The following CDH12 variants were observed in gnomAD, a reference collection of about 807,000 sequenced individuals.
CDH12 encodes cadherin 12, also known as cadherin-12.
In CDH12, 41 loss-of-function variants were observed where a neutral mutation model predicts 74.1. That is an observed-to-expected ratio of 0.55 (90% CI 0.43 to 0.72). The LOEUF is 0.72. Ranked by LOEUF, CDH12 falls within the 30% of genes least tolerant of loss-of-function variation. CDH12 has a pLI of 0.00. For synonymous variants in CDH12, 399 were observed against 355.0 expected (o/e 1.12, Z -1.39); for missense variants, 945 against 977.2 (o/e 0.97, Z 0.44).
intron 4 of CDH12, among the ~76,000 whole-genome samples, chr5:22,158,101 C>T (rs1748134704): frequency 6.6e-6 from 1 of 151,874 alleles, no homozygotes; most frequent in South Asian, 2.1e-4. Flanking sequence ...TTTATATATC[C>T]ATTTCATATT....
intron 4 of CDH12, among the ~76,000 whole-genome samples, chr5:22,137,854 T>C (rs1580307722): frequency 1.3e-5 from 2 of 152,144 alleles, no homozygotes; most frequent in African/African-American, 4.8e-5. Flanking sequence ...GAGAAGCACC[T>C]GCAATTTCTC....
chr5:22,056,258 G>A (rs897756762), intron 5 of CDH12, among the ~76,000 whole-genome samples: 1 of 152,096 alleles, frequency 6.6e-6, no homozygotes, highest in Non-Finnish European at 1.5e-5. Context: ...TTAACATAAA[G>A]TATATATTTG....
At chr5:22,013,051 C>T (rs1437672610) in intron 5 of CDH12, among the ~76,000 whole-genome samples, 3 of 150,444 alleles carry the variant, frequency 2.0e-5, no homozygotes, top group Admixed American at 1.3e-4. Context: ...CCAAATTATA[C>T]GGACATGTCA....
chr5:22,535,452 G>A (rs1580743237), intron 1 of CDH12, among the ~76,000 whole-genome samples: 1 of 151,988 alleles, frequency 6.6e-6, no homozygotes. Context: ...CAACGCACCC[G>A]GCCTCTATTG....
At chr5:22,536,634 C>T (rs186616842) in intron 1 of CDH12, among the ~76,000 whole-genome samples, 1 of 152,170 alleles carries the variant, frequency 6.6e-6, no homozygotes, top group Non-Finnish European at 1.5e-5. Context: ...GCCTAAGATA[C>T]TCCATCTTTC....
intron 4 of CDH12, among the ~76,000 whole-genome samples, chr5:22,164,645 C>G (rs543565493): frequency 1.3e-5 from 2 of 152,158 alleles, no homozygotes; most frequent in African/African-American, 2.4e-5. Flanking sequence ...TTTGCTGGCT[C>G]CAGTGCCTGG....
intron 10 of CDH12, among the ~76,000 whole-genome samples, chr5:21,789,581 T>C (rs1410664395): frequency 2.6e-5 from 4 of 152,146 alleles, no homozygotes; most frequent in Admixed American, 1.3e-4. Context: ...ATAGATCGCA[T>C]CCTGCTGCCA....
intron 3 of CDH12, among the ~76,000 whole-genome samples, chr5:22,334,458 C>T (rs1267045046): frequency 6.6e-6 from 1 of 152,014 alleles, no homozygotes; most frequent in East Asian, 1.9e-4. Context: ...TCAATGCAAT[C>T]CCTATGAAAA....
intron 1 of CDH12, among the ~76,000 whole-genome samples, chr5:22,831,083 A>C (rs1241651677): frequency 5.9e-5 from 9 of 152,064 alleles, no homozygotes; most frequent in Non-Finnish European, 1.2e-4. Context: ...TTCAAGAATA[A>C]ATCAGTTCCT....
At chr5:21,789,329 C>T (rs1230516195) in intron 10 of CDH12, among the ~76,000 whole-genome samples, 1 of 152,090 alleles carries the variant, frequency 6.6e-6, no homozygotes, top group East Asian at 1.9e-4. Context: ...TTTTACCACA[C>T]CTGCCAGGTG....
At chr5:21,988,491 C>CAAAAAAAA (rs1157872208) in intron 5 of CDH12, among the ~76,000 whole-genome samples, 30 of 29,498 alleles carry the variant, frequency 1.0e-3, no homozygotes, top group African/African-American at 1.3e-3. Context: ...GACTCCGTCT[C>CAAAAAAAA]AAAAAAAAAA....
At chr5:22,118,701 T>G (rs186351904) in intron 4 of CDH12, among the ~76,000 whole-genome samples, 281 of 152,192 alleles carry the variant, frequency 1.8e-3, no homozygotes, top group African/African-American at 6.5e-3. Flanking sequence ...CCAAAAAATA[T>G]TGTCTCCCTC....
At chr5:22,152,296 A>G (rs1234749160) in intron 4 of CDH12, 1 of 151,192 alleles carries the variant, frequency 6.6e-6, no homozygotes, top group East Asian at 1.9e-4. Context: ...TTATTTATTA[A>G]TTATGTTGTG....
intron 1 of CDH12, among the ~76,000 whole-genome samples, chr5:22,567,950 T>C (rs1421574260): frequency 1.3e-5 from 2 of 152,208 alleles, no homozygotes; most frequent in Non-Finnish European, 2.9e-5. Flanking sequence ...GGAACAATAG[T>C]TCCTCATTCC....
intron 5 of CDH12, among the ~76,000 whole-genome samples, chr5:22,067,530 T>C (rs1224882873): frequency 2.0e-5 from 3 of 152,090 alleles, no homozygotes; most frequent in Non-Finnish European, 4.4e-5. Flanking sequence ...AAAAGAAGGC[T>C]CTGAGATAGA....
At position 22,820,331 on chromosome 5, in the gene CDH12, A is replaced by C. The variant is rs751624471; in HGVS notation, c.-523+32727T>G. On this transcript the variant is annotated intron_variant, in intron 1 of 14. Coordinates refer to ENST00000382254, the MANE Select transcript of CDH12 (RefSeq NM_004061.5). ...CAACCGGATCTCATCGTGAGTTCTC[A>C]TGTGTTGTGGGAGGGAACCAGTGGG... Among the ~76,000 whole-genome samples, 67 of 152,152 alleles carry C rather than the reference A, an allele frequency of 4.4e-4. 1 individual carries two copies. Among genetic ancestry groups the C allele is most frequent in the South Asian group, 1.2e-3 (6 of 4,826 alleles).
chr5:22,823,365 C>T (rs1488017805), intron 1 of CDH12, among the ~76,000 whole-genome samples: 1 of 152,058 alleles, frequency 6.6e-6, no homozygotes, highest in Non-Finnish European at 1.5e-5. Flanking sequence ...CACATCTATC[C>T]TAAAACTTAA....
At chr5:21,979,153 TTAAAAC>T (rs1331968813) in intron 5 of CDH12, among the ~76,000 whole-genome samples, 1 of 152,188 alleles carries the variant, frequency 6.6e-6, no homozygotes, top group Non-Finnish European at 1.5e-5. Flanking sequence ...TTGTAGCCAT[TTAAAAC>T]TAACAGCTAG....
At chr5:21,832,836 TATA>T (rs1189287591) in intron 8 of CDH12, among the ~76,000 whole-genome samples, 3 of 105,746 alleles carry the variant, frequency 2.8e-5, no homozygotes, top group African/African-American at 1.0e-4. Flanking sequence ...ATTATAATAA[TATA>T]AATCATATGA....
Sources: allele counts gnomAD v4.1 joint callset (sites outside exome capture counted in the v4.1 genomes callset), GRCh38; gene constraint gnomAD v4.1.1; transcripts MANE v1.5; gene names NCBI Gene and HGNC (gene_info 2026-07-23, HGNC 2026-07-21).